The following CSMD1 variants were observed in gnomAD, a reference collection of about 807,000 sequenced individuals.
CSMD1 encodes the protein CUB and sushi domain-containing protein 1.
In CSMD1, 213 loss-of-function variants were observed where a neutral mutation model predicts 417.5. The observed-to-expected ratio is 0.51, with a 90% CI of 0.46 to 0.57. CSMD1 has a LOEUF of 0.57. CSMD1 is among the 20% of genes least tolerant of loss of function. The probability of loss-of-function intolerance (pLI) is 0.00; values close to 1 mark genes in which losing one functional copy is unlikely to be tolerated. For synonymous variants in CSMD1, 2,862 were observed against 1,736.8 expected, an observed-to-expected ratio of 1.65 and a Z score of -16.11; for missense variants, 6,923 against 4,529.7, an observed-to-expected ratio of 1.53 and a Z score of -15.17.
chr8:4,560,049 C>T (rs538972858), intron 2 of CSMD1, among the ~76,000 whole-genome samples: 1 of 152,302 alleles, frequency 6.6e-6, no homozygotes, highest in South Asian at 2.1e-4. Context: ...CACCTGCCAC[C>T]CTTGGGGTCC....
chr8:3,764,947 G>A (rs909858919), intron 5 of CSMD1, among the ~76,000 whole-genome samples: 1 of 151,824 alleles, frequency 6.6e-6, no homozygotes, highest in South Asian at 2.1e-4. Context: ...GGTTTCACAT[G>A]TTGACCAGGC....
At chr8:3,192,993 A>G (rs1035065276) in intron 33 of CSMD1, among the ~76,000 whole-genome samples, 5 of 152,098 alleles carry the variant, frequency 3.3e-5, no homozygotes, top group African/African-American at 1.2e-4. Context: ...GATCTTCCAC[A>G]AAATGAAGCG....
intron 52 of CSMD1, among the ~76,000 whole-genome samples, chr8:3,016,265 G>C (rs1182454048): frequency 6.6e-6 from 1 of 152,138 alleles, no homozygotes; most frequent in Non-Finnish European, 1.5e-5. Flanking sequence ...TATTTGTGTA[G>C]ATTTAGGATT....
At chr8:3,586,372 C>G (rs926370024) in intron 8 of CSMD1, 112 bp from the exon 9 acceptor site, 27 of 1,030,100 alleles carry the variant, frequency 2.6e-5, no homozygotes, top group Admixed American at 1.5e-4. Context: ...GTTAAAACAG[C>G]CTAAGACATT....
intron 5 of CSMD1, among the ~76,000 whole-genome samples, chr8:3,817,731 C>A (rs1163344980): frequency 6.6e-6 from 1 of 152,096 alleles, no homozygotes; most frequent in African/African-American, 2.4e-5. Context: ...GAATAAAGAG[C>A]TAAGGAGAAA....
intron 3 of CSMD1, among the ~76,000 whole-genome samples, chr8:4,065,692 G>A (rs577167671): frequency 6.6e-6 from 1 of 152,140 alleles, no homozygotes; most frequent in African/African-American, 2.4e-5. Context: ...TCAAAAGTAG[G>A]AACACCACAT....
At chr8:4,406,497 G>T (rs1805028476) in intron 3 of CSMD1, among the ~76,000 whole-genome samples, 1 of 152,142 alleles carries the variant, frequency 6.6e-6, no homozygotes, top group African/African-American at 2.4e-5. Context: ...ATGGGAACAA[G>T]GAATTTGACT....
intron 2 of CSMD1, among the ~76,000 whole-genome samples, chr8:4,621,745 G>A (rs1347650947): frequency 6.6e-6 from 1 of 151,902 alleles, no homozygotes; most frequent in Non-Finnish European, 1.5e-5. Context: ...ACAGACAAAA[G>A]CCCCTCATGT....
chr8:4,907,256 T>C (rs1308874917), intron 1 of CSMD1, among the ~76,000 whole-genome samples: 4 of 152,214 alleles, frequency 2.6e-5, no homozygotes, highest in African/African-American at 7.2e-5. Flanking sequence ...TAAGAATAAA[T>C]TATTCTCCAT....
At chr8:3,268,884 C>T (rs1018665153) in intron 26 of CSMD1, among the ~76,000 whole-genome samples, 2 of 152,100 alleles carry the variant, frequency 1.3e-5, no homozygotes, top group African/African-American at 4.8e-5. Context: ...GAGCTGGATT[C>T]ATATTAGCAG....
In CSMD1 at chr8:3,891,193, G is replaced by A. The variant is rs1039061582; in HGVS notation, c.818+106710C>T. ...CCCAAGAAGCTGGGACCACAGGCAT[G>A]TGCCATCATGCCTGGCTAATATTTG... On this transcript the variant is annotated intron_variant, in intron 5 of 69. Transcript: ENST00000635120. Among the ~76,000 whole-genome samples the A allele has an allele frequency of 3.3e-5, 5 of 152,134 alleles. No homozygotes were observed. The East Asian group carries it at 7.7e-4, about 24-fold the overall frequency.
In CSMD1 at chr8:3,344,592, G is replaced by A. The variant is rs559236841; in HGVS notation, c.3475-1142C>T. Among the ~76,000 whole-genome samples the A allele has an allele frequency of 9.2e-5, 14 of 152,276 alleles. No homozygotes were observed. The South Asian group carries it at 2.3e-3, about 25-fold the overall frequency. On this transcript the variant is annotated intron_variant, in intron 22 of 69. Coordinates refer to ENST00000635120, the MANE Select transcript of CSMD1 (RefSeq NM_033225.6). Reference sequence around the variant, plus strand: ...CTGTAAAAATAAACATTTATTACACGATATTGGAAAATGTTCAGTTTGTCT... The same window carrying A: ...CTGTAAAAATAAACATTTATTACACAATATTGGAAAATGTTCAGTTTGTCT...
chr8:4,141,380 C>G (rs1364609260), intron 3 of CSMD1, among the ~76,000 whole-genome samples: 1 of 151,036 alleles, frequency 6.6e-6, no homozygotes, highest in African/African-American at 2.5e-5. Flanking sequence ...CCAAGAATAC[C>G]AAGAAGCTAA....
At chr8:3,571,017 T>C (rs895043831) in intron 10 of CSMD1, among the ~76,000 whole-genome samples, 3 of 152,226 alleles carry the variant, frequency 2.0e-5, no homozygotes, top group African/African-American at 7.2e-5. Flanking sequence ...ATAATCTGGA[T>C]TTAAATGAAT....
chr8:3,680,758 T>C (rs1343607033), intron 7 of CSMD1, among the ~76,000 whole-genome samples: 4 of 151,994 alleles, frequency 2.6e-5, no homozygotes, highest in African/African-American at 7.3e-5. Context: ...TAGACCAATA[T>C]CCCTGATGAA....
chr8:4,040,060 T>C (rs907356907), intron 3 of CSMD1, among the ~76,000 whole-genome samples: 10 of 152,154 alleles, frequency 6.6e-5, no homozygotes, highest in African/African-American at 2.4e-4. Context: ...ATGCAAATGT[T>C]AGGGAAATAA....
intron 6 of CSMD1, among the ~76,000 whole-genome samples, chr8:3,721,983 G>GC (rs1563310096): frequency 6.6e-6 from 1 of 152,048 alleles, no homozygotes; most frequent in African/African-American, 2.4e-5. Flanking sequence ...CTGTCCCCAA[G>GC]CCCCCCACAA....
chr8:4,191,742 T>TC (rs1225700170), intron 3 of CSMD1, among the ~76,000 whole-genome samples: 1 of 43,494 alleles, frequency 2.3e-5, no homozygotes, highest in Non-Finnish European at 4.8e-5. Flanking sequence ...GGAAGGTCAT[T>TC]CCAAAAAAAA....
intron 5 of CSMD1, among the ~76,000 whole-genome samples, chr8:3,790,886 C>G (rs970462179): frequency 6.6e-6 from 1 of 152,098 alleles, no homozygotes; most frequent in African/African-American, 2.4e-5. Context: ...GAAACTGTCG[C>G]TAATGAATGG....
Sources: gnomAD v4.1 joint callset for allele counts (sites outside exome capture counted in the v4.1 genomes callset) on GRCh38, gnomAD v4.1.1 for gene constraint, MANE v1.5 for transcripts, NCBI Gene and HGNC (gene_info 2026-07-23, HGNC 2026-07-21) for gene names.